Variants in MAP2 observed in about 807,000 individuals in gnomAD.
The protein encoded by MAP2 is microtubule associated protein 2, also known as microtubule-associated protein 2.
Under a neutral mutation model 137.6 loss-of-function variants are expected in MAP2, and 14 were observed. The observed-to-expected ratio is 0.10, with a 90% CI of 0.07 to 0.16. The LOEUF (loss-of-function observed/expected upper bound fraction) is 0.16, where lower values mean the gene tolerates loss of function less well. MAP2 is among the 10% of genes least tolerant of loss of function. The probability of loss-of-function intolerance (pLI) is 1.00; values close to 1 mark genes in which losing one functional copy is unlikely to be tolerated. For missense variants in MAP2, 2,088 were observed against 2,191.5 expected (o/e 0.95, Z 0.94); for synonymous variants, 786 against 782.3 (o/e 1.00, Z -0.08).
At chr2:209,430,142 T>C (rs1321915530) in intron 1 of MAP2, among the ~76,000 whole-genome samples, 1 of 150,592 alleles carries the variant, frequency 6.6e-6, no homozygotes, top group Non-Finnish European at 1.5e-5. Flanking sequence ...GATTCAGTTA[T>C]TCATTCTTTT....
chr2:209,518,420 A>ATCT (rs1221051636), intron 2 of MAP2, among the ~76,000 whole-genome samples: 25 of 152,158 alleles, frequency 1.6e-4, no homozygotes, highest in African/African-American at 6.0e-4. Flanking sequence ...TAGCCACAAT[A>ATCT]GAGAGTTAGA....
chr2:209,463,475 G>A (rs1703368105), intron 1 of MAP2, among the ~76,000 whole-genome samples: 1 of 152,050 alleles, frequency 6.6e-6, no homozygotes, highest in African/African-American at 2.4e-5. Flanking sequence ...GCCTCTCTCT[G>A]GGGAGGAAGC....
Position 209,678,692 on chromosome 2 carries a change from A to G in MAP2, c.376+7A>G. On this transcript the variant is annotated splice_region_variant and intron_variant, in intron 6 of 15. Transcript: ENST00000682079. The stretch of plus-strand genomic sequence containing the variant: ...ACTGCAGCTCTGCCTTTAGGTAAAT[A>G]AGAAGATTCTCAGGTCAGGGACTGT... The G allele has an allele frequency of 6.4e-7, 1 of 1,554,928 alleles. No individual in the cohort carries two copies. Among genetic ancestry groups the G allele is most frequent in the Non-Finnish European group, 8.8e-7 (1 of 1,137,560 alleles).
In MAP2 at chr2:209,695,263, C is replaced by T; in HGVS notation, c.3093C>T (p.Ser1031=). The change falls in exon 8 of 16, where the codon TCC becomes TCT. Residue 1031 remains serine, a synonymous_variant. Transcript: ENST00000682079. ...SVPEIAEVEP[S]KKVEQGLDFA... ...CAGAGATAGCTGAGGTAGAACCATC[C>T]AAAAAGGTGGAACAAGGTCTGGATT... is the stretch of plus-strand genomic sequence containing the variant. 1 of 1,613,510 alleles carries T rather than the reference C, an allele frequency of 6.2e-7. No homozygotes were observed. Among genetic ancestry groups the T allele is most frequent in the Non-Finnish European group, 8.5e-7 (1 of 1,179,858 alleles).
At position 209,543,997 on chromosome 2, in the gene MAP2, AG is replaced by A. The variant is rs1289195965; in HGVS notation, c.-171-36037del. Among the ~76,000 whole-genome samples the A allele has an allele frequency of 1.1e-4, 16 of 152,306 alleles. No homozygotes were observed. In the East Asian group the frequency reaches 2.9e-3, roughly 28 times the overall value. ...GTAATCCCAGCACTTTGGGAGGCCG[AG>A]GTGGGCGGATCACGAGGTCAGGAGA... On this transcript the variant is annotated intron_variant, in intron 2 of 15. Coordinates refer to ENST00000682079, the MANE Select transcript of MAP2 (RefSeq NM_001375505.1).
At chr2:209,483,984 C>G (rs1205878241) in intron 1 of MAP2, among the ~76,000 whole-genome samples, 1 of 152,052 alleles carries the variant, frequency 6.6e-6, no homozygotes, top group East Asian at 1.9e-4. Context: ...GGTTATCATC[C>G]CTGCAGGGAG....
chr2:209,537,700 G>A (rs2066200317), intron 2 of MAP2, among the ~76,000 whole-genome samples: 1 of 152,074 alleles, frequency 6.6e-6, no homozygotes, highest in Non-Finnish European at 1.5e-5. Flanking sequence ...TCATTTTAAA[G>A]GTCTGACATA....
chr2:209,723,982 T>C (rs749449775), intron 13 of MAP2, among the ~76,000 whole-genome samples: 3 of 152,232 alleles, frequency 2.0e-5, no homozygotes, highest in Non-Finnish European at 2.9e-5. Context: ...ACTTTGTTGC[T>C]GGCCTTCTTG....
chr2:209,621,534 C>T (rs955549510), intron 3 of MAP2, among the ~76,000 whole-genome samples: 1 of 152,002 alleles, frequency 6.6e-6, no homozygotes, highest in East Asian at 2.0e-4. Flanking sequence ...GCTAGGATTA[C>T]AGGCATGAGC....
At chr2:209,650,498 G>A (rs561223505) in intron 4 of MAP2, among the ~76,000 whole-genome samples, 27 of 152,130 alleles carry the variant, frequency 1.8e-4, no homozygotes, top group Non-Finnish European at 2.9e-4. Flanking sequence ...CAATAGAGGG[G>A]TATATGATTT....
In MAP2 at chr2:209,694,774, C is replaced by T; in HGVS notation, c.2604C>T (p.Gly868=). 6.2e-7 allele frequency: 1 copy of T among 1,614,136 alleles called. No homozygotes were observed. Residue 868 remains glycine, a synonymous_variant, in exon 8 of 16, where the codon GGC becomes GGT. Transcript: ENST00000682079. ...CGGACAGTCAGCTCGAAGACCTGGG[C>T]TACTGTGTGTTCAATAAGTACACAG... The part of the protein sequence containing the change: ...VKTDSQLEDL[G]YCVFNKYTVP...
chr2:209,623,285 A>T (rs1019237313), intron 3 of MAP2, among the ~76,000 whole-genome samples: 2 of 152,252 alleles, frequency 1.3e-5, no homozygotes, highest in African/African-American at 4.8e-5. Flanking sequence ...TGTATTTTTT[A>T]AAAAAGGCAG....
At chr2:209,649,986 A>G (rs552305636) in intron 4 of MAP2, among the ~76,000 whole-genome samples, 27 of 152,322 alleles carry the variant, frequency 1.8e-4, no homozygotes, top group Non-Finnish European at 2.9e-4. Context: ...CTTGAAAACA[A>G]ATTATCATAA....
intron 2 of MAP2, among the ~76,000 whole-genome samples, chr2:209,516,906 G>A (rs577905080): frequency 5.3e-5 from 8 of 152,064 alleles, no homozygotes; most frequent in Admixed American, 6.6e-5. Flanking sequence ...GAGAGAAATC[G>A]TACTTACATA....
chr2:209,705,523 T>G, intron 11 of MAP2, 57 bp from the exon 12 acceptor site: 4 of 1,457,180 alleles, frequency 2.7e-6, no homozygotes, highest in South Asian at 2.9e-5. Flanking sequence ...TCAATATCAC[T>G]TCGTATAAAT....
chr2:209,590,079 T>C (rs1178183646), intron 3 of MAP2, among the ~76,000 whole-genome samples: 1 of 152,072 alleles, frequency 6.6e-6, no homozygotes, highest in Non-Finnish European at 1.5e-5. Context: ...AAGGCCATGC[T>C]CAGTGCAGCG....
intron 3 of MAP2, among the ~76,000 whole-genome samples, chr2:209,584,539 T>G (rs2153413512): frequency 6.6e-6 from 1 of 151,924 alleles, no homozygotes; most frequent in South Asian, 2.1e-4. Context: ...GTCAAGGAGG[T>G]TTGTTTCTTA....
rs558409122 is a variant in MAP2, at chr2:209,525,390, A to G, written c.-172+17749A>G. On this transcript the variant is annotated intron_variant, in intron 2 of 15. Coordinates refer to ENST00000682079, the MANE Select transcript of MAP2 (RefSeq NM_001375505.1). ...ATAGTCTATACCAAAATAACCCAAT[A>G]ATAAAAGTAAGTTGTAATGGGAGAA... is the stretch of plus-strand genomic sequence containing the variant. Among the ~76,000 whole-genome samples, 9 of 152,272 alleles carry G rather than the reference A, an allele frequency of 5.9e-5. No homozygotes were observed. The South Asian group carries it at 1.7e-3, about 28-fold the overall frequency.
chr2:209,620,955 G>C (rs1456459370), intron 3 of MAP2, among the ~76,000 whole-genome samples: 2 of 152,054 alleles, frequency 1.3e-5, no homozygotes, highest in Non-Finnish European at 2.9e-5. Flanking sequence ...AGCATCTTAG[G>C]AGGCCGAAGT....
Sources: gnomAD v4.1 joint callset for allele counts (sites outside exome capture counted in the v4.1 genomes callset) on GRCh38, gnomAD v4.1.1 for gene constraint, MANE v1.5 for transcripts, NCBI Gene and HGNC (gene_info 2026-07-23, HGNC 2026-07-21) for gene names.